The following SCP2 variants were observed in gnomAD, a reference collection of about 807,000 sequenced individuals.
SCP2 encodes sterol carrier protein 2.
SCP2 carries 48 observed loss-of-function variants against 71.4 expected under a neutral mutation model. The observed-to-expected ratio is 0.67, with a 90% CI of 0.53 to 0.86. The LOEUF is 0.86. Ranked by LOEUF, SCP2 falls within the 40% of genes least tolerant of loss-of-function variation. The pLI is 0.00. For synonymous variants in SCP2, 220 were observed against 218.1 expected (o/e 1.01, Z -0.08); for missense variants, 560 against 655.6 (o/e 0.85, Z 1.59).
At chr1:52,945,699 T>A (rs921855303) in intron 2 of SCP2, among the ~76,000 whole-genome samples, 2 of 150,812 alleles carry the variant, frequency 1.3e-5, no homozygotes, top group Non-Finnish European at 2.9e-5. Flanking sequence ...TGAGGCTGTG[T>A]CTCAAAAAAA....
chr1:52,983,032 G>A (rs1658672865), intron 10 of SCP2, among the ~76,000 whole-genome samples: 1 of 152,064 alleles, frequency 6.6e-6, no homozygotes, highest in African/African-American at 2.4e-5. Flanking sequence ...CAGATCTTTT[G>A]GAGATGAATT....
intron 4 of SCP2, among the ~76,000 whole-genome samples, chr1:52,951,411 G>A (rs186658445): frequency 1.7e-3 from 252 of 151,496 alleles, no homozygotes; most frequent in Middle Eastern, 3.4e-3. Flanking sequence ...GACCAGCCTG[G>A]GCAACGTAGT....
rs11206080 is a variant in SCP2 at position 53,048,123 on chromosome 1, C to T, written c.1548+186C>T. 1.3e-3 allele frequency: 818 copies of T among 606,004 alleles called. 6 individuals are homozygous for T. In the African/African-American group the frequency reaches 0.014, roughly 10 times the overall value. The allele number at this position is 606,004 out of a possible 1,614,324, so 37.5% of individuals were successfully genotyped here. ...CACTGTCTTGTGTGCTGGAAGTGCC[C>T]AGAAGAGTAAGAAAGTTCCCACGCT... On this transcript the variant is annotated intron_variant, in intron 15 of 15. Transcript: ENST00000371514.
At chr1:52,970,713 G>C (rs11206054) in intron 6 of SCP2, among the ~76,000 whole-genome samples, 10,810 of 151,944 alleles carry the variant, frequency 0.071, 1,193 homozygotes, top group African/African-American at 0.23. Context: ...GTTGGCCTGC[G>C]ATTATCTCCC....
intron 1 of SCP2, among the ~76,000 whole-genome samples, chr1:52,938,600 G>A (rs1234361087): frequency 2.6e-5 from 4 of 151,970 alleles, no homozygotes; most frequent in African/African-American, 7.3e-5. Context: ...TGCAAGTCTC[G>A]TCATCCCAGT....
At chr1:52,934,193 G>A (rs1653435139) in intron 1 of SCP2, among the ~76,000 whole-genome samples, 1 of 152,160 alleles carries the variant, frequency 6.6e-6, no homozygotes, top group Admixed American at 6.5e-5. Context: ...AACGAATGAA[G>A]TCAGCAGTCA....
At chr1:53,043,646 C>T (rs1663582863) in intron 14 of SCP2, among the ~76,000 whole-genome samples, 1 of 152,120 alleles carries the variant, frequency 6.6e-6, no homozygotes, top group African/African-American at 2.4e-5. Context: ...CAGATGAGAC[C>T]AGATATGTTG....
At chr1:52,948,188 C>A (rs1654973050) in intron 3 of SCP2, 108 bp downstream of exon 3, 2 of 777,924 alleles carry the variant, frequency 2.6e-6, no homozygotes, top group Admixed American at 3.7e-5. Flanking sequence ...ACTCAGAATT[C>A]ATTCAATTAT....
At chr1:52,936,237 T>G (rs1461532198) in intron 1 of SCP2, among the ~76,000 whole-genome samples, 1 of 152,236 alleles carries the variant, frequency 6.6e-6, no homozygotes, top group Non-Finnish European at 1.5e-5. Context: ...TTTTAAAATG[T>G]CTTTAGTTTT....
At chr1:52,946,033 A>G (rs1654755676) in intron 2 of SCP2, among the ~76,000 whole-genome samples, 1 of 151,368 alleles carries the variant, frequency 6.6e-6, no homozygotes, top group African/African-American at 2.4e-5. Flanking sequence ...GGCTCAAGCA[A>G]TCCTCCTACC....
chr1:52,978,152 T>G, intron 8 of SCP2, 65 bp from the exon 9 acceptor site: 1 of 1,501,474 alleles, frequency 6.7e-7, no homozygotes. Context: ...TAGAAGTAAC[T>G]CCTAGTCTGA....
intron 1 of SCP2, among the ~76,000 whole-genome samples, chr1:52,929,759 A>G (rs770003433): frequency 1.3e-5 from 2 of 152,162 alleles, no homozygotes; most frequent in Non-Finnish European, 2.9e-5. Context: ...AGTAGCTGGG[A>G]CTACAGGTGC....
chr1:52,954,004 A>G (rs1396674227), intron 4 of SCP2, among the ~76,000 whole-genome samples: 1 of 150,278 alleles, frequency 6.7e-6, no homozygotes, highest in Non-Finnish European at 1.5e-5. Context: ...AAAAAAAACA[A>G]CCAAAACCCA....
intron 14 of SCP2, among the ~76,000 whole-genome samples, chr1:53,039,676 T>C (rs80251625): frequency 0.015 from 2,340 of 152,314 alleles, 65 homozygotes; most frequent in African/African-American, 0.053. Flanking sequence ...CTCCTTGGCC[T>C]CTCTTGATGG....
chr1:52,987,101 G>A (rs1447058369), intron 10 of SCP2, among the ~76,000 whole-genome samples: 1 of 150,228 alleles, frequency 6.7e-6, no homozygotes. Context: ...AGTAGAGATG[G>A]GGTTTCACCA....
At chr1:52,931,767 A>C (rs1653170172) in intron 1 of SCP2, among the ~76,000 whole-genome samples, 1 of 152,228 alleles carries the variant, frequency 6.6e-6, no homozygotes, top group Admixed American at 6.5e-5. Context: ...ATATTCAAGG[A>C]AAATTTCCAA....
In SCP2 at chr1:52,978,366, T is replaced by A; in HGVS notation, c.824T>A (p.Met275Lys). Reference protein sequence around the residue: ...SSFEEKSIIKMVGFDMSKEAA... With the variant: ...SSFEEKSIIKKVGFDMSKEAA... ...TTTGAAGAAAAAAGCATTATTAAAATGGTATGTCTGAGATTCTATTTGTTA... is the reference window on the plus strand; with the variant it reads ...TTTGAAGAAAAAAGCATTATTAAAAAGGTATGTCTGAGATTCTATTTGTTA... Residue 275 changes from methionine to lysine, a missense_variant and splice_region_variant, in exon 9 of 16, where the codon ATG becomes AAG. By Grantham distance (95) the Met-to-Lys change is moderately conservative (BLOSUM62 -1). Transcript: ENST00000371514. 1 of 1,611,456 alleles carries A rather than the reference T, an allele frequency of 6.2e-7. No individual in the cohort carries two copies. The highest frequency in any genetic ancestry group is 8.5e-7 in the Non-Finnish European group (1 of 1,177,618).
At chr1:52,951,917 C>T (rs975864553) in intron 4 of SCP2, among the ~76,000 whole-genome samples, 6 of 152,012 alleles carry the variant, frequency 3.9e-5, no homozygotes, top group Non-Finnish European at 7.4e-5. Context: ...CGGGGTTTCA[C>T]TATGTTGGCC....
intron 13 of SCP2, among the ~76,000 whole-genome samples, chr1:53,037,370 C>T (rs975386447): frequency 3.3e-5 from 5 of 152,134 alleles, no homozygotes; most frequent in Non-Finnish European, 4.4e-5. Context: ...CTGCAGTCCC[C>T]TGTGTTTCCC....
Sources: allele counts gnomAD v4.1 joint callset (sites outside exome capture counted in the v4.1 genomes callset), GRCh38; gene constraint gnomAD v4.1.1; transcripts MANE v1.5; gene names NCBI Gene and HGNC (gene_info 2026-07-23, HGNC 2026-07-21).